Variants in GABRA3 observed in about 807,000 individuals in gnomAD.
The protein encoded by GABRA3 is gamma-aminobutyric acid receptor subunit alpha-3.
GABRA3 carries 10 observed loss-of-function variants against 30.1 expected under a neutral mutation model. The ratio of observed to expected loss-of-function variants is 0.33; its 90% CI spans 0.20 to 0.56. GABRA3 has a LOEUF of 0.56. Among genes scored for constraint, GABRA3 ranks in the 20% least tolerant of loss-of-function variants. GABRA3 has a pLI of 0.89. For missense variants in GABRA3, 233 were observed against 392.0 expected (o/e 0.59, Z 3.42); for synonymous variants, 151 against 146.8 (o/e 1.03, Z -0.21).
At chrX:152,241,747 G>A (rs752546710) in intron 5 of GABRA3, among the ~76,000 whole-genome samples, 4 of 109,560 alleles carry the variant, frequency 3.7e-5, no homozygotes, top group East Asian at 5.8e-4. Flanking sequence ...CGCAATATTC[G>A]GGTGGGAGTG....
intron 1 of GABRA3, among the ~76,000 whole-genome samples, chrX:152,428,626 T>C (rs1339999389): frequency 9.0e-6 from 1 of 110,571 alleles, no homozygotes; most frequent in African/African-American, 3.4e-5. Context: ...GATCCCCAAA[T>C]GCTTGTGGAA....
intron 5 of GABRA3, among the ~76,000 whole-genome samples, chrX:152,240,284 T>G (rs12689082): frequency 0.03 from 2,880 of 94,575 alleles, 129 homozygotes; most frequent in African/African-American, 0.065. Flanking sequence ...GAAATTCTGG[T>G]TTGAAAATTC....
chrX:152,399,303 T>C (rs113500693), intron 1 of GABRA3, among the ~76,000 whole-genome samples: 3,284 of 111,801 alleles, frequency 0.029, 46 homozygotes, highest in South Asian at 0.058. Context: ...TTCTCAACTT[T>C]AAGGGGTTGA....
intron 3 of GABRA3, among the ~76,000 whole-genome samples, chrX:152,286,889 C>T (rs1327349956): frequency 8.9e-6 from 1 of 111,924 alleles, no homozygotes; most frequent in Non-Finnish European, 1.9e-5. Flanking sequence ...TTTTAAATAG[C>T]TGGGCTCTCA....
chrX:152,364,867 A>G (rs73639084), intron 1 of GABRA3, among the ~76,000 whole-genome samples: 12,125 of 110,976 alleles, frequency 0.11, 526 homozygotes, highest in South Asian at 0.13. Flanking sequence ...AAACAGCCCT[A>G]AGTCAGTAAT....
chrX:152,284,655 T>C lies in GABRA3; in HGVS notation c.330+13A>G. ...GTGCATCCTCTTTTACATTTACCTT[T>C]GCAAGAACTTACCATGTCAGTGTCT... On this transcript the variant is annotated intron_variant, in intron 4 of 9. Transcript: ENST00000370314. The C allele has an allele frequency of 8.7e-7, 1 of 1,150,546 alleles. No individual in the cohort carries two copies. Among genetic ancestry groups the C allele is most frequent in the Admixed American group, 2.3e-5 (1 of 44,311 alleles). 94.8% of individuals were successfully genotyped at this position (1,150,546 alleles called of 1,213,427 possible).
At chrX:152,189,635 C>G in intron 9 of GABRA3, 95 bp downstream of exon 9, 1 of 614,324 alleles carries the variant, frequency 1.6e-6, no homozygotes, top group Non-Finnish European at 2.6e-6. Context: ...AGCACATAGC[C>G]CTGCCCAGTT....
chrX:152,385,952 ATCT>A, intron 1 of GABRA3, among the ~76,000 whole-genome samples: 1 of 110,165 alleles, frequency 9.1e-6, no homozygotes, highest in South Asian at 3.9e-4. Flanking sequence ...ATTGATCTAT[ATCT>A]CTGTTTTGGT....
At chrX:152,289,023 A>G (rs1939346333) in intron 3 of GABRA3, among the ~76,000 whole-genome samples, 1 of 109,503 alleles carries the variant, frequency 9.1e-6, no homozygotes, top group African/African-American at 3.3e-5. Context: ...ACATGATTAC[A>G]CACACCCTTA....
intron 1 of GABRA3, among the ~76,000 whole-genome samples, chrX:152,402,627 C>T (rs1327520961): frequency 9.0e-6 from 1 of 111,149 alleles, no homozygotes; most frequent in African/African-American, 3.3e-5. Context: ...TTCCCTATGT[C>T]TCAGTTTTAC....
chrX:152,176,128 A>G (rs1937073401), intron 9 of GABRA3, among the ~76,000 whole-genome samples: 1 of 110,061 alleles, frequency 9.1e-6, no homozygotes, highest in Admixed American at 9.8e-5. Flanking sequence ...CAAGGAGGCC[A>G]CTATGGGATG....
intron 4 of GABRA3, among the ~76,000 whole-genome samples, chrX:152,277,255 T>A (rs770992893): frequency 2.4e-4 from 24 of 101,848 alleles, no homozygotes; most frequent in African/African-American, 9.6e-4. Flanking sequence ...ACTCTCCTTT[T>A]AATTAACAGT....
intron 3 of GABRA3, among the ~76,000 whole-genome samples, chrX:152,296,986 C>T (rs1472152518): frequency 9.0e-6 from 1 of 111,690 alleles, no homozygotes. Context: ...GCATGAGCCA[C>T]CATGCCCGGC....
rs184786148 is a variant in GABRA3, at chrX:152,261,629, G to C, written c.331-5631C>G. ...TGTCTCACATCCAGGTCATGCTGAT[G>C]CAAGAGGTGGACTGCCATGGCCTTG... On this transcript the variant is annotated intron_variant, in intron 4 of 9. Transcript: ENST00000370314. Among the ~76,000 whole-genome samples, 5 of 112,706 alleles carry C rather than the reference G, an allele frequency of 4.4e-5. No individual in the cohort carries two copies. The Admixed American group carries it at 4.7e-4, about 11-fold the overall frequency.
chrX:152,248,230 A>T (rs1478322392), intron 5 of GABRA3, among the ~76,000 whole-genome samples: 3 of 110,981 alleles, frequency 2.7e-5, no homozygotes, highest in Non-Finnish European at 5.7e-5. Flanking sequence ...GGATTGGCAA[A>T]CACTTGCCAA....
chrX:152,285,987 G>A (rs753814541), intron 3 of GABRA3, among the ~76,000 whole-genome samples: 48 of 105,588 alleles, frequency 4.5e-4, no homozygotes, highest in Non-Finnish European at 8.7e-4. Flanking sequence ...TCAGCATACA[G>A]ATTGTGGGGA....
Position 152,353,778 on chromosome X carries a change from G to A in GABRA3, c.141-8076C>T, listed in dbSNP as rs367753110. 3.6e-5 allele frequency among the ~76,000 whole-genome samples: 4 copies of A among 110,978 alleles called. No homozygotes were observed. In the East Asian group the frequency reaches 8.6e-4, roughly 24 times the overall value. On this transcript the variant is annotated intron_variant, in intron 2 of 9. Transcript: ENST00000370314. Reference sequence around the variant, plus strand: ...TGATATCCTTACAATGGCGAGTCCCGACAGTCATCACCCTAAGCAAGTGAT... The same window carrying A: ...TGATATCCTTACAATGGCGAGTCCCAACAGTCATCACCCTAAGCAAGTGAT...
chrX:152,343,704 T>C (rs1327038704), intron 3 of GABRA3, among the ~76,000 whole-genome samples: 1 of 112,036 alleles, frequency 8.9e-6, no homozygotes, highest in Non-Finnish European at 1.9e-5. Context: ...CCATTATTTA[T>C]ATAAAAGCAG....
At chrX:152,408,754 T>C (rs1929996650) in intron 1 of GABRA3, among the ~76,000 whole-genome samples, 1 of 98,994 alleles carries the variant, frequency 1.0e-5, no homozygotes, top group Admixed American at 1.1e-4. Context: ...CCAGGAGAAG[T>C]CAAAGTCATC....
Sources: gnomAD v4.1 joint callset for allele counts (sites outside exome capture counted in the v4.1 genomes callset) on GRCh38, gnomAD v4.1.1 for gene constraint, MANE v1.5 for transcripts, NCBI Gene and HGNC (gene_info 2026-07-23, HGNC 2026-07-21) for gene names.